Variants in NKD2 observed in about 807,000 individuals in gnomAD.
The protein encoded by NKD2 is protein naked cuticle homolog 2.
A neutral mutation model predicts 34.8 loss-of-function variants in NKD2; 43 were observed. The ratio of observed to expected loss-of-function variants is 1.24; its 90% CI spans 0.97 to 1.60. The LOEUF (loss-of-function observed/expected upper bound fraction) is 1.60, where lower values mean the gene tolerates loss of function less well. Among genes scored for constraint, NKD2 ranks in the 40% most tolerant of loss-of-function variants. The pLI, the probability that NKD2 is intolerant of heterozygous loss-of-function variation, is 0.00. For synonymous variants in NKD2, 278 were observed against 265.1 expected (o/e 1.05, Z -0.47); for missense variants, 675 against 627.1 (o/e 1.08, Z -0.82).
Position 1,038,643 on chromosome 5 carries a change from CTCG to C in NKD2, c.*273_*275del. 1.4e-6 allele frequency: 1 copy of C among 690,278 alleles called. No individual in the cohort carries two copies. Among genetic ancestry groups the C allele is most frequent in the East Asian group, 2.7e-5 (1 of 36,532 alleles). The allele number at this position is 690,278 out of a possible 1,614,324, so 42.8% of individuals were successfully genotyped here. ...GCCACTATGTTTCCTGGCTCTAAGG[CTCG>C]TCTGTGTAACCCATAAAACCTGCTT... On this transcript the variant is annotated 3_prime_UTR_variant, in exon 10 of 10. Coordinates refer to ENST00000296849, the MANE Select transcript of NKD2 (RefSeq NM_033120.4). The surrounding 1 kb of genome is among the most constrained non-coding windows in gnomAD (Gnocchi z 4.5).
At chr5:1,015,288 T>TG in intron 3 of NKD2, among the ~76,000 whole-genome samples, 1 of 152,298 alleles carries the variant, frequency 6.6e-6, no homozygotes, top group East Asian at 1.9e-4. Flanking sequence ...CCAGGTGTGG[T>TG]GGGAGCAGAG....
intron 4 of NKD2, among the ~76,000 whole-genome samples, chr5:1,032,847 G>A (rs540528911): frequency 9.2e-4 from 140 of 152,348 alleles, no homozygotes; most frequent in Non-Finnish European, 9.7e-4. Flanking sequence ...TCCTGGGGAC[G>A]CAGCTTGCAA....
chr5:1,035,794 T>C, intron 8 of NKD2: 1 of 376,950 alleles, frequency 2.7e-6, no homozygotes, highest in East Asian at 4.6e-5. Flanking sequence ...GCAACAGGGC[T>C]GGGGGTGGCT....
chr5:1,021,367 TCCACCCACCCAC>T (rs1189340387), intron 3 of NKD2, among the ~76,000 whole-genome samples: 1 of 28,322 alleles, frequency 3.5e-5, no homozygotes, highest in African/African-American at 1.5e-4. Flanking sequence ...CCCCCGCCCC[TCCACCCACCCAC>T]CCACCCACCC....
intron 7 of NKD2, among the ~76,000 whole-genome samples, chr5:1,035,163 AGT>A (rs1733807872): frequency 7.2e-6 from 1 of 137,960 alleles, no homozygotes; most frequent in Non-Finnish European, 1.6e-5. Context: ...TTAATGAATG[AGT>A]GAGTGTTAAT....
intron 3 of NKD2, among the ~76,000 whole-genome samples, chr5:1,028,726 C>T (rs760823227): frequency 4.7e-5 from 7 of 147,888 alleles, no homozygotes; most frequent in South Asian, 2.2e-4. Context: ...GGAAGGGGGG[C>T]GGAACAGGTT....
At chr5:1,017,206 G>C (rs1011162779) in intron 3 of NKD2, among the ~76,000 whole-genome samples, 6 of 152,160 alleles carry the variant, frequency 3.9e-5, no homozygotes, top group East Asian at 1.9e-4. Context: ...TTGGCTCTCT[G>C]TGGCTGGCGT....
At chr5:1,022,061 G>A (rs1472377864) in intron 3 of NKD2, among the ~76,000 whole-genome samples, 4 of 132,788 alleles carry the variant, frequency 3.0e-5, no homozygotes, top group East Asian at 5.0e-4. Flanking sequence ...ACCGCCAGTC[G>A]AAACGGGGTC....
intron 3 of NKD2, among the ~76,000 whole-genome samples, chr5:1,019,366 G>A (rs533059440): frequency 8.5e-5 from 13 of 152,190 alleles, no homozygotes; most frequent in Non-Finnish European, 1.6e-4. Flanking sequence ...TACCTCTCAC[G>A]CGGGGGTTCT....
chr5:1,012,688 C>A (rs564351181), intron 3 of NKD2, among the ~76,000 whole-genome samples: 1 of 152,252 alleles, frequency 6.6e-6, no homozygotes, highest in Non-Finnish European at 1.5e-5. Flanking sequence ...GGCTTGACGC[C>A]TTCCGACTGG....
rs1756725818 is a variant in NKD2 at position 1,033,453 on chromosome 5, ACCGCGAGGGC to A, written c.293_302del (p.Gly98AspfsTer71). 6.4e-7 allele frequency: 1 copy of A among 1,565,474 alleles called. No individual in the cohort carries two copies. The highest frequency in any genetic ancestry group is 8.7e-7 in the Non-Finnish European group (1 of 1,155,826). The stretch of plus-strand genomic sequence containing the variant: ...GCAGATGACGGAGAGAGGGCAGCAA[ACCGCGAGGGC>A]CCGCGAGGACCGGGCGGGCAGCGCC... On this transcript the variant is annotated frameshift_variant, in exon 5 of 10. Transcript: ENST00000296849. LOFTEE classifies it high-confidence loss of function.
intron 3 of NKD2, among the ~76,000 whole-genome samples, chr5:1,027,384 G>A (rs1756462304): frequency 6.6e-6 from 1 of 152,192 alleles, no homozygotes; most frequent in African/African-American, 2.4e-5. Context: ...TCCCAGACTT[G>A]GGGTTCCACA....
chr5:1,033,330 T>C (rs1422442988), intron 4 of NKD2, 42 bp from the exon 5 acceptor site: 3 of 1,553,798 alleles, frequency 1.9e-6, no homozygotes, highest in Non-Finnish European at 2.6e-6. Flanking sequence ...ACATCCTCCA[T>C]GTGCCCTCTG....
intron 8 of NKD2, chr5:1,036,007 C>T (rs1022161757): frequency 9.0e-6 from 7 of 774,784 alleles, no homozygotes; most frequent in Non-Finnish European, 1.3e-5. Flanking sequence ...TGAGCCACTC[C>T]CTAGAGCACC....
At chr5:1,025,022 G>A (rs200118309) in intron 3 of NKD2, among the ~76,000 whole-genome samples, 5 of 10,918 alleles carry the variant, frequency 4.6e-4, no homozygotes, top group Non-Finnish European at 8.6e-4. Flanking sequence ...GTCTCAGCCC[G>A]TTGTCCCTGC....
intron 3 of NKD2, among the ~76,000 whole-genome samples, chr5:1,015,142 G>A (rs1336278741): frequency 6.6e-6 from 1 of 152,238 alleles, no homozygotes; most frequent in African/African-American, 2.4e-5. Context: ...CAAGTGCCGG[G>A]GTGCTGCAAG....
chr5:1,021,770 C>T lies in NKD2; in HGVS notation c.142-10382C>T, dbSNP rs919441052. Among the ~76,000 whole-genome samples the T allele has an allele frequency of 2.6e-5, 4 of 152,202 alleles. No individual in the cohort carries two copies. The East Asian group carries it at 5.8e-4, about 22-fold the overall frequency. Reference sequence around the variant, plus strand: ...GTAAGAAAACACTCTCTTCCGCAGACGCCGGTGGCAGGTTCCCCCCTCCCA... The same window carrying T: ...GTAAGAAAACACTCTCTTCCGCAGATGCCGGTGGCAGGTTCCCCCCTCCCA... On this transcript the variant is annotated intron_variant, in intron 3 of 9. Coordinates refer to ENST00000296849, the MANE Select transcript of NKD2 (RefSeq NM_033120.4).
At chr5:1,031,043 T>C (rs1429829579) in intron 3 of NKD2, among the ~76,000 whole-genome samples, 1 of 152,082 alleles carries the variant, frequency 6.6e-6, no homozygotes, top group Non-Finnish European at 1.5e-5. Context: ...CCTTCCACCA[T>C]ACCCTGTTTG....
At chr5:1,028,815 G>C (rs1236190142) in intron 3 of NKD2, among the ~76,000 whole-genome samples, 1 of 152,102 alleles carries the variant, frequency 6.6e-6, no homozygotes, top group African/African-American at 2.4e-5. Context: ...GAGGGAGTGA[G>C]GGTAGGGTGG....
Sources: gnomAD v4.1 joint callset for allele counts (sites outside exome capture counted in the v4.1 genomes callset) on GRCh38, gnomAD v4.1.1 for gene constraint, Gnocchi (gnomAD v3.1) non-coding constraint, MANE v1.5 for transcripts, NCBI Gene and HGNC (gene_info 2026-07-23, HGNC 2026-07-21) for gene names.